PARP6: variants seen among roughly 807,000 people sequenced by gnomAD.
PARP6 encodes the protein poly(ADP-ribose) polymerase family member 6, also known as protein mono-ADP-ribosyltransferase PARP6.
A neutral mutation model predicts 92.0 loss-of-function variants in PARP6; 27 were observed. The ratio of observed to expected loss-of-function variants is 0.29; its 90% CI spans 0.22 to 0.40. The LOEUF (loss-of-function observed/expected upper bound fraction) is 0.40, where lower values mean the gene tolerates loss of function less well. Ranked by LOEUF, PARP6 falls within the 10% of genes least tolerant of loss-of-function variation. The pLI is 1.00. For missense variants in PARP6, 501 were observed against 784.5 expected (o/e 0.64, Z 4.32); for synonymous variants, 272 against 281.2 (o/e 0.97, Z 0.33).
In PARP6 at chr15:72,241,436, T is replaced by C; in HGVS notation, c.*19A>G. On this transcript the variant is annotated 3_prime_UTR_variant, in exon 24 of 24. Coordinates refer to ENST00000569795, the MANE Select transcript of PARP6 (RefSeq NM_001323532.2). The surrounding 1 kb of genome is among the most constrained non-coding windows in gnomAD (Gnocchi z 4.1). Reference sequence around the variant, plus strand: ...ATGGATCCTGGGGTAACAGGGGTGGTACGAGGGCTGGGGCCCCCTCAGTTT... The same window carrying C: ...ATGGATCCTGGGGTAACAGGGGTGGCACGAGGGCTGGGGCCCCCTCAGTTT... 6.4e-7 allele frequency: 1 copy of C among 1,551,206 alleles called. No individual in the cohort carries two copies. Among genetic ancestry groups the C allele is most frequent in the Non-Finnish European group, 8.9e-7 (1 of 1,122,582 alleles).
At position 72,272,386 on chromosome 15, in the gene PARP6, C is replaced by T. The variant is rs1034920161; in HGVS notation, c.-460+7G>A. 1 of 152,548 alleles carries T rather than the reference C, an allele frequency of 6.6e-6. No homozygotes were observed. The highest frequency in any genetic ancestry group is 1.5e-5 in the Non-Finnish European group (1 of 68,348). 9.4% of individuals were successfully genotyped at this position (152,548 alleles called of 1,614,324 possible). A position where few individuals can be genotyped will look rare whatever the true frequency, so the allele number is the denominator to read the frequency against. ...GCCCTCAGAACCTCCCGGTCCAAGC[C>T]TCTCACTTCGTCCACCCCTGCGGAG... On this transcript the variant is annotated splice_region_variant and intron_variant, in intron 1 of 23. Transcript: ENST00000569795.
chr15:72,266,718 C>T (rs562265695), intron 4 of PARP6, 27 bp downstream of exon 4: 9 of 1,552,088 alleles, frequency 5.8e-6, no homozygotes, highest in East Asian at 4.5e-5. Context: ...CCATCCAACA[C>T]GGGGGTCTTG....
chr15:72,268,351 G>A (rs956227859), intron 2 of PARP6, among the ~76,000 whole-genome samples: 3 of 152,146 alleles, frequency 2.0e-5, no homozygotes, highest in African/African-American at 4.8e-5. Flanking sequence ...ATTCAGAATC[G>A]GATTATTTCT....
chr15:72,251,005 T>G, intron 17 of PARP6, 51 bp from the exon 18 acceptor site: 1 of 1,362,032 alleles, frequency 7.3e-7, no homozygotes, highest in Non-Finnish European at 1.0e-6. Context: ...GAAATCGAGA[T>G]CAGGGAGGGA....
rs2086303486 is a variant in PARP6, at chr15:72,264,486, C to T, written c.395+69G>A. The T allele has an allele frequency of 2.9e-5, 33 of 1,147,196 alleles. 1 individual carries two copies. In the South Asian group the frequency reaches 3.7e-4, roughly 13 times the overall value. 71.1% of individuals were successfully genotyped at this position (1,147,196 alleles called of 1,614,324 possible). A position where few individuals can be genotyped will look rare whatever the true frequency, so the allele number is the denominator to read the frequency against. On this transcript the variant is annotated intron_variant, in intron 8 of 23. Transcript: ENST00000569795. ...CATTCCATCCAAGGCTCTGCCTGTC[C>T]ATCCATATATTTCCACCTCTCTCTC...
At chr15:72,260,000 AATTTAGAC>A (rs2085644185) in intron 10 of PARP6, among the ~76,000 whole-genome samples, 1 of 152,214 alleles carries the variant, frequency 6.6e-6, no homozygotes, top group South Asian at 2.1e-4. Context: ...CTCGCTAGAC[AATTTAGAC>A]ATAAGTTTTC....
At chr15:72,249,420 C>T (rs2084047961) in intron 19 of PARP6, 106 bp from the exon 20 acceptor site, 1 of 609,236 alleles carries the variant, frequency 1.6e-6, no homozygotes, top group African/African-American at 1.8e-5. Flanking sequence ...CTTCTACCTT[C>T]TCATTCAAGT....
intron 7 of PARP6, 137 bp downstream of exon 7, chr15:72,264,944 G>T: frequency 1.6e-6 from 1 of 638,446 alleles, no homozygotes; most frequent in Non-Finnish European, 2.8e-6. Flanking sequence ...AATTACAGGG[G>T]ACTAAAAAGC....
intron 20 of PARP6, among the ~76,000 whole-genome samples, chr15:72,247,670 T>C (rs1327652478): frequency 6.6e-6 from 1 of 152,248 alleles, no homozygotes; most frequent in Non-Finnish European, 1.5e-5. Context: ...ATTTCTTTTA[T>C]AGTATTATGA....
intron 3 of PARP6, 71 bp from the exon 4 acceptor site, chr15:72,266,893 A>G: frequency 8.8e-7 from 1 of 1,134,084 alleles, no homozygotes; most frequent in Non-Finnish European, 1.3e-6. Context: ...GTGGGATGAT[A>G]TGGTGAGGAA....
chr15:72,250,572 C>T, intron 18 of PARP6: 1 of 416,280 alleles, frequency 2.4e-6, no homozygotes, highest in South Asian at 3.3e-5. Flanking sequence ...ATCAAAGTAG[C>T]TTTCAGATCT....
At chr15:72,268,630 G>A (rs1036097958) in intron 2 of PARP6, among the ~76,000 whole-genome samples, 5 of 152,222 alleles carry the variant, frequency 3.3e-5, no homozygotes, top group African/African-American at 7.2e-5. Flanking sequence ...TCCGGGAGGC[G>A]GAGATTGCAG....
chr15:72,271,406 T>C (rs902085772), intron 1 of PARP6, 119 bp from the exon 2 acceptor site: 2 of 152,240 alleles, frequency 1.3e-5, no homozygotes, highest in Non-Finnish European at 2.9e-5. Flanking sequence ...TTGCTTCCTC[T>C]ACTCTCAATG....
At chr15:72,247,204 T>C (rs2083730665) in intron 20 of PARP6, among the ~76,000 whole-genome samples, 1 of 152,220 alleles carries the variant, frequency 6.6e-6, no homozygotes, top group African/African-American at 2.4e-5. Context: ...AGACAGGGTC[T>C]CGCTCTACTG....
intron 16 of PARP6, among the ~76,000 whole-genome samples, chr15:72,253,103 A>C (rs2084595242): frequency 6.6e-6 from 1 of 151,776 alleles, no homozygotes; most frequent in South Asian, 2.1e-4. Flanking sequence ...TGAGCACTGA[A>C]GGGCAAGGCT....
chr15:72,259,707 G>C (rs754586257), intron 10 of PARP6, 46 bp from the exon 11 acceptor site: 1 of 1,570,858 alleles, frequency 6.4e-7, no homozygotes. Context: ...CTATGAAGCT[G>C]GGGCCTAGAC....
chr15:72,254,142 C>T (rs1369705946), intron 15 of PARP6: 2 of 467,184 alleles, frequency 4.3e-6, no homozygotes, highest in Admixed American at 5.8e-5. Flanking sequence ...CTCACCCTCC[C>T]AACCCTGGGC....
At chr15:72,248,593 C>A (rs187104886) in intron 20 of PARP6, among the ~76,000 whole-genome samples, 1 of 152,254 alleles carries the variant, frequency 6.6e-6, no homozygotes, top group Admixed American at 6.5e-5. Context: ...GTGACTATAC[C>A]TTGTACAGAG....
chr15:72,270,211 T>C (rs1312383290), intron 2 of PARP6, among the ~76,000 whole-genome samples: 1 of 152,058 alleles, frequency 6.6e-6, no homozygotes, highest in Non-Finnish European at 1.5e-5. Context: ...CTAAAGTTCT[T>C]AGAGATGGAA....
Sources: allele counts gnomAD v4.1 joint callset (sites outside exome capture counted in the v4.1 genomes callset), GRCh38; gene constraint gnomAD v4.1.1; non-coding constraint Gnocchi (gnomAD v3.1); transcripts MANE v1.5; gene names NCBI Gene and HGNC (gene_info 2026-07-23, HGNC 2026-07-21).